The following NCK2 variants were observed in gnomAD, a reference collection of about 807,000 sequenced individuals.
NCK2 encodes cytoplasmic protein NCK2.
In NCK2, 16 loss-of-function variants were observed where a neutral mutation model predicts 33.9. The observed-to-expected ratio is 0.47, with a 90% CI of 0.32 to 0.72. NCK2 has a LOEUF of 0.72. NCK2 is among the 30% of genes least tolerant of loss of function. The pLI, the probability that NCK2 is intolerant of heterozygous loss-of-function variation, is 0.03. For synonymous variants in NCK2, 273 were observed against 239.9 expected, an observed-to-expected ratio of 1.14 and a Z score of -1.27; for missense variants, 418 against 537.3, an observed-to-expected ratio of 0.78 and a Z score of 2.19.
rs1677547581 is a variant in NCK2, at chr2:105,861,864, C to T, written c.226+6575C>T. Among the ~76,000 whole-genome samples, 3 of 151,728 alleles carry T rather than the reference C, an allele frequency of 2.0e-5. No individual in the cohort carries two copies. In the South Asian group the frequency reaches 6.2e-4, roughly 32 times the overall value. On this transcript the variant is annotated intron_variant, in intron 3 of 4. Transcript: ENST00000233154. ...CAAGTCTTACCACAAGAATCATGCT[C>T]AGCAATTTATCTTAAGATCAGACTG... is the stretch of plus-strand genomic sequence containing the variant.
At chr2:105,770,587 T>C (rs1372417515) in intron 1 of NCK2, among the ~76,000 whole-genome samples, 3 of 152,196 alleles carry the variant, frequency 2.0e-5, no homozygotes, top group South Asian at 2.1e-4. Flanking sequence ...TGTGTAGATA[T>C]GCTCTAGAAA....
intron 1 of NCK2, among the ~76,000 whole-genome samples, chr2:105,777,960 G>C (rs1367024460): frequency 2.0e-5 from 3 of 152,210 alleles, no homozygotes; most frequent in Non-Finnish European, 1.5e-5. Flanking sequence ...GTCATGGAAA[G>C]TTCTTTTGTT....
At chr2:105,793,046 CTG>C (rs1033011301) in intron 1 of NCK2, among the ~76,000 whole-genome samples, 8 of 151,992 alleles carry the variant, frequency 5.3e-5, no homozygotes, top group African/African-American at 1.9e-4. Context: ...ACCCATGAAA[CTG>C]AAGGTGAGCA....
At chr2:105,766,143 C>T (rs959268090) in intron 1 of NCK2, among the ~76,000 whole-genome samples, 2 of 151,846 alleles carry the variant, frequency 1.3e-5, no homozygotes, top group African/African-American at 4.8e-5. Flanking sequence ...TGAGGGGAGG[C>T]GCAGGTGGGG....
intron 4 of NCK2, among the ~76,000 whole-genome samples, chr2:105,890,906 C>T (rs1048721363): frequency 5.9e-5 from 9 of 152,298 alleles, no homozygotes; most frequent in Middle Eastern, 3.4e-3. Context: ...GCTGGGAGGT[C>T]GCAGAGCAGG....
intron 1 of NCK2, among the ~76,000 whole-genome samples, chr2:105,790,815 G>T (rs1690852146): frequency 6.6e-6 from 1 of 152,218 alleles, no homozygotes; most frequent in South Asian, 2.1e-4. Context: ...CAAGACTTGG[G>T]TGGAGGGAAC....
At chr2:105,776,969 C>G (rs936683693) in intron 1 of NCK2, among the ~76,000 whole-genome samples, 1 of 151,178 alleles carries the variant, frequency 6.6e-6, no homozygotes, top group Non-Finnish European at 1.5e-5. Context: ...AGTGGCTTCA[C>G]GAGAGTGTGA....
rs567688627 is a variant in NCK2 at position 105,828,002 on chromosome 2, C to T, written c.-17+11389C>T. On this transcript the variant is annotated intron_variant, in intron 2 of 4. Coordinates refer to ENST00000233154, the MANE Select transcript of NCK2 (RefSeq NM_003581.5). ...TTTACTGCAGTTATGTAGAATGTAG[C>T]CATTAGGAGGAACAAGGTGAAGAGC... is the stretch of plus-strand genomic sequence containing the variant. Among the ~76,000 whole-genome samples, 43 of 152,250 alleles carry T rather than the reference C, an allele frequency of 2.8e-4. No homozygotes were observed. In the South Asian group the frequency reaches 8.9e-3, roughly 32 times the overall value.
chr2:105,825,313 T>G (rs1675898574), intron 2 of NCK2, among the ~76,000 whole-genome samples: 1 of 152,228 alleles, frequency 6.6e-6, no homozygotes, highest in Non-Finnish European at 1.5e-5. Context: ...TTTGCGAGTT[T>G]TCATGTATTC....
intron 1 of NCK2, among the ~76,000 whole-genome samples, chr2:105,761,605 T>C (rs1689765686): frequency 6.6e-6 from 1 of 152,204 alleles, no homozygotes; most frequent in African/African-American, 2.4e-5. Flanking sequence ...GAGTGGCTCA[T>C]AGTGGCTCAT....
intron 1 of NCK2, among the ~76,000 whole-genome samples, chr2:105,777,893 G>C (rs1054107828): frequency 5.3e-5 from 8 of 152,222 alleles, no homozygotes. Flanking sequence ...CAGCTCACAG[G>C]ATTCCAGCAG....
chr2:105,878,540 C>T (rs1299375883), intron 3 of NCK2, among the ~76,000 whole-genome samples: 1 of 152,178 alleles, frequency 6.6e-6, no homozygotes, highest in Non-Finnish European at 1.5e-5. Context: ...AGAGGCCTTG[C>T]AAGGAACCAA....
Position 105,882,151 on chromosome 2 carries a change from A to C in NCK2, c.948+102A>C, listed in dbSNP as rs773788868. ...TTTCACATTGTGTGAGTACACTAGA[A>C]AGAGCGGGAGACGCAGATGAATGCA... On this transcript the variant is annotated intron_variant, in intron 4 of 4. Coordinates refer to ENST00000233154, the MANE Select transcript of NCK2 (RefSeq NM_003581.5). 4 of 1,273,792 alleles carry C rather than the reference A, an allele frequency of 3.1e-6. No homozygotes were observed. In the South Asian group the frequency reaches 7.8e-5, roughly 25 times the overall value. The allele number at this position is 1,273,792 out of a possible 1,614,324, so 78.9% of individuals were successfully genotyped here. A position where few individuals can be genotyped will look rare whatever the true frequency, so the allele number is the denominator to read the frequency against.
intron 2 of NCK2, among the ~76,000 whole-genome samples, chr2:105,839,500 T>C (rs753525782): frequency 4.6e-5 from 7 of 152,152 alleles, no homozygotes; most frequent in Non-Finnish European, 7.3e-5. Context: ...GAGTCTCAGA[T>C]TGGGGGCTGG....
At chr2:105,856,173 T>C (rs554597694) in intron 3 of NCK2, among the ~76,000 whole-genome samples, 6 of 152,228 alleles carry the variant, frequency 3.9e-5, no homozygotes, top group Non-Finnish European at 7.3e-5. Context: ...TGTCAGGTTA[T>C]GGGCAGTGCC....
intron 2 of NCK2, among the ~76,000 whole-genome samples, chr2:105,844,466 G>A (rs1463470805): frequency 6.6e-6 from 1 of 151,870 alleles, no homozygotes; most frequent in Non-Finnish European, 1.5e-5. Flanking sequence ...GCTCACGCCT[G>A]TAATCTCAGC....
intron 2 of NCK2, among the ~76,000 whole-genome samples, chr2:105,850,513 G>C (rs1677025279): frequency 6.6e-6 from 1 of 152,144 alleles, no homozygotes; most frequent in Non-Finnish European, 1.5e-5. Context: ...CTGTGTTTTA[G>C]AGTGGTCACA....
chr2:105,891,739 G>A (rs1349143769), intron 4 of NCK2, among the ~76,000 whole-genome samples: 1 of 151,468 alleles, frequency 6.6e-6, no homozygotes, highest in Non-Finnish European at 1.5e-5. Flanking sequence ...CAGAGATGAG[G>A]TTTCACCATG....
chr2:105,790,102 G>A (rs1239593713), intron 1 of NCK2, among the ~76,000 whole-genome samples: 2 of 152,224 alleles, frequency 1.3e-5, no homozygotes, highest in Admixed American at 6.5e-5. Context: ...TTTGTAGAAC[G>A]AGAAGAATTA....
Sources: allele counts gnomAD v4.1 joint callset (sites outside exome capture counted in the v4.1 genomes callset), GRCh38; gene constraint gnomAD v4.1.1; transcripts MANE v1.5; gene names NCBI Gene and HGNC (gene_info 2026-07-23, HGNC 2026-07-21).